DCAF1: variants seen among roughly 807,000 people sequenced by gnomAD.
DCAF1 encodes the protein DDB1- and CUL4-associated factor 1.
A neutral mutation model predicts 128.0 loss-of-function variants in DCAF1; 15 were observed. The ratio of observed to expected loss-of-function variants is 0.12; its 90% CI spans 0.08 to 0.18. The LOEUF is 0.18. Ranked by LOEUF, DCAF1 falls within the 10% of genes least tolerant of loss-of-function variation. DCAF1 has a pLI of 1.00. For synonymous variants in DCAF1, 610 were observed against 603.0 expected, an observed-to-expected ratio of 1.01 and a Z score of -0.17; for missense variants, 988 against 1,649.5, an observed-to-expected ratio of 0.60 and a Z score of 6.95.
chr3:51,458,466 G>C (rs1414404567), intron 6 of DCAF1, among the ~76,000 whole-genome samples: 2 of 152,092 alleles, frequency 1.3e-5, no homozygotes, highest in African/African-American at 2.4e-5. Context: ...ATAATAATGG[G>C]AGACTTTAAC....
chr3:51,443,669 A>G, intron 7 of DCAF1, 97 bp downstream of exon 7: 1 of 1,121,288 alleles, frequency 8.9e-7, no homozygotes, highest in Non-Finnish European at 1.2e-6. Flanking sequence ...CTCCAGTACA[A>G]GATAATCAAT....
At chr3:51,464,429 T>C (rs1187677449) in intron 5 of DCAF1, among the ~76,000 whole-genome samples, 3 of 152,000 alleles carry the variant, frequency 2.0e-5, no homozygotes, top group Non-Finnish European at 4.4e-5. Flanking sequence ...GTGTGGTGGC[T>C]CATCCCTGTA....
Position 51,420,191 on chromosome 3 carries a change from G to T in DCAF1, c.2779C>A (p.Pro927Thr). ...AAVGASAPSA[P>T]TAHPQPRPPQ... is the part of the protein sequence containing the mutation. The stretch of plus-strand genomic sequence containing the variant: ...GGCCGTGGCTGAGGATGAGCAGTAG[G>T]GGCAGAAGGCGCAGAGGCACCCACA... Residue 927 changes from proline to threonine, a missense_variant, in exon 15 of 25, where the codon CCT (proline) becomes ACT (threonine). Coordinates refer to ENST00000684031, the MANE Select transcript of DCAF1 (RefSeq NM_001387579.1). This position sits in a 1 kb window ranked among gnomAD's most constrained non-coding sequence, Gnocchi z 6.5. 6.2e-7 allele frequency: 1 copy of T among 1,614,018 alleles called. No homozygotes were observed. Among genetic ancestry groups the T allele is most frequent in the Non-Finnish European group, 8.5e-7 (1 of 1,179,890 alleles).
intron 2 of DCAF1, among the ~76,000 whole-genome samples, chr3:51,494,960 A>C (rs1246658821): frequency 2.0e-5 from 3 of 152,116 alleles, no homozygotes; most frequent in Non-Finnish European, 4.4e-5. Flanking sequence ...GATAATTATA[A>C]CTTTGGGAAT....
chr3:51,431,519 CAAA>C (rs5848921), intron 10 of DCAF1, among the ~76,000 whole-genome samples: 8 of 64,118 alleles, frequency 1.2e-4, no homozygotes, highest in South Asian at 5.5e-4. Context: ...GATTCCGTCT[CAAA>C]AAAAAAAAAA....
At chr3:51,493,675 AG>A (rs1553659358) in intron 2 of DCAF1, among the ~76,000 whole-genome samples, 1 of 152,000 alleles carries the variant, frequency 6.6e-6, no homozygotes, top group Non-Finnish European at 1.5e-5. Flanking sequence ...CAGACACAAA[AG>A]GGCACATATT....
At chr3:51,486,535 C>T (rs782427207) in intron 2 of DCAF1, among the ~76,000 whole-genome samples, 1 of 151,954 alleles carries the variant, frequency 6.6e-6, no homozygotes, top group Non-Finnish European at 1.5e-5. Flanking sequence ...AAAGGAAATG[C>T]TGTAGGTGTG....
At chr3:51,445,472 G>A (rs941552567) in intron 6 of DCAF1, among the ~76,000 whole-genome samples, 1 of 152,136 alleles carries the variant, frequency 6.6e-6, no homozygotes, top group African/African-American at 2.4e-5. Context: ...GTGTGATTGG[G>A]CAGGTACTAT....
At chr3:51,395,869 C>T, downstream of DCAF1, 1 of 413,520 alleles carries the variant, frequency 2.4e-6, no homozygotes, top group Admixed American at 4.4e-5. Context: ...AACACAAAGA[C>T]ATGTTAAGCA....
At chr3:51,488,851 G>A (rs1483779944) in intron 2 of DCAF1, among the ~76,000 whole-genome samples, 1 of 152,112 alleles carries the variant, frequency 6.6e-6, no homozygotes, top group Non-Finnish European at 1.5e-5. Flanking sequence ...TGTAATCCCA[G>A]CTACTCAGGA....
chr3:51,463,090 A>G, intron 6 of DCAF1, 24 bp downstream of exon 6: 1 of 1,480,946 alleles, frequency 6.8e-7, no homozygotes, highest in South Asian at 1.3e-5. Flanking sequence ...AAATAAAATT[A>G]TGACTTTACT....
At chr3:51,483,932 G>C in intron 2 of DCAF1, 96 bp from the exon 3 acceptor site, 1 of 859,984 alleles carries the variant, frequency 1.2e-6, no homozygotes, top group East Asian at 2.5e-5. Flanking sequence ...GAAGGCAAGA[G>C]AAAAAATTAA....
intron 23 of DCAF1, among the ~76,000 whole-genome samples, chr3:51,409,891 CAT>C (rs1553627858): frequency 6.6e-6 from 1 of 152,154 alleles, no homozygotes; most frequent in Non-Finnish European, 1.5e-5. Context: ...AGACTAGAAA[CAT>C]GTACAAGCTG....
intron 2 of DCAF1, among the ~76,000 whole-genome samples, chr3:51,487,155 A>G (rs782166286): frequency 6.6e-6 from 1 of 151,560 alleles, no homozygotes; most frequent in Non-Finnish European, 1.5e-5. Context: ...TATTTTTAGT[A>G]GAGACAGGGT....
At chr3:51,405,368 G>A (rs2090032941) in intron 23 of DCAF1, among the ~76,000 whole-genome samples, 1 of 152,206 alleles carries the variant, frequency 6.6e-6, no homozygotes, top group Non-Finnish European at 1.5e-5. Flanking sequence ...TTCAAGCAGG[G>A]TCTAAGCTTT....
At chr3:51,476,818 T>C (rs1705515960) in intron 3 of DCAF1, among the ~76,000 whole-genome samples, 1 of 151,894 alleles carries the variant, frequency 6.6e-6, no homozygotes, top group Admixed American at 6.6e-5. Context: ...GAGCTTGCAG[T>C]GAGCTGAGAT....
At chr3:51,447,647 T>C (rs1220051032) in intron 6 of DCAF1, among the ~76,000 whole-genome samples, 2 of 152,078 alleles carry the variant, frequency 1.3e-5, no homozygotes, top group Admixed American at 6.5e-5. Context: ...TTCTTTTGAT[T>C]AACAGTTCTA....
rs1553629156 is a variant in DCAF1, at chr3:51,413,381, A to G, written c.3937T>C (p.Leu1313=). Residue 1313 remains leucine (L), a synonymous_variant, in exon 21 of 25, where the codon TTG becomes CTG. Transcript: ENST00000684031. ...HTGTVMYGAM[L]QADDEDDLME... Reference sequence around the variant, plus strand: ...AAGTCATCTTCATCATCTGCCTGCAACATAGCTTGAGGGGGAGTGGGGGAG... The same window carrying G: ...AAGTCATCTTCATCATCTGCCTGCAGCATAGCTTGAGGGGGAGTGGGGGAG... 6.2e-7 allele frequency: 1 copy of G among 1,612,316 alleles called. No individual in the cohort carries two copies. The highest frequency in any genetic ancestry group is 2.2e-5 in the East Asian group (1 of 44,880).
chr3:51,398,835 G>C lies in DCAF1; in HGVS notation c.4466-8C>G, dbSNP rs781942103. 1.3e-6 allele frequency: 2 copies of C among 1,578,134 alleles called. No individual in the cohort carries two copies. The highest frequency in any genetic ancestry group is 2.3e-5 in the East Asian group (1 of 43,602). ...AGTTGTCAGAGCTGTCAGCTGAAAG[G>C]GAAGAAAAGGGAGAGACAAGATTAC... On this transcript the variant is annotated splice_region_variant and splice_polypyrimidine_tract_variant and intron_variant, in intron 24 of 24. Coordinates refer to ENST00000684031, the MANE Select transcript of DCAF1 (RefSeq NM_001387579.1).
Sources: gnomAD v4.1 joint callset for allele counts (sites outside exome capture counted in the v4.1 genomes callset) on GRCh38, gnomAD v4.1.1 for gene constraint, Gnocchi (gnomAD v3.1) non-coding constraint, MANE v1.5 for transcripts, NCBI Gene and HGNC (gene_info 2026-07-23, HGNC 2026-07-21) for gene names.